ABHD15: variants seen among roughly 807,000 people sequenced by gnomAD.
The protein encoded by ABHD15 is protein ABHD15.
In ABHD15, 34 loss-of-function variants were observed where a neutral mutation model predicts 34.4. The observed-to-expected ratio is 0.99, with a 90% CI of 0.75 to 1.32. The LOEUF (loss-of-function observed/expected upper bound fraction) is 1.32, where lower values mean the gene tolerates loss of function less well. Ranked by LOEUF, ABHD15 falls within the 40% of genes most tolerant of loss-of-function variation. The pLI is 0.00. For missense variants in ABHD15, 644 were observed against 650.4 expected (o/e 0.99, Z 0.11); for synonymous variants, 314 against 299.2 (o/e 1.05, Z -0.51).
In ABHD15 at chr17:29,562,968, T is replaced by C. The variant is rs542939; in HGVS notation, c.1000A>G (p.Thr334Ala). Residue 334 changes from threonine (T) to alanine (A), a missense_variant, in exon 2 of 2, where the codon ACC (threonine) becomes GCC (alanine). Thr to Ala is a moderately conservative substitution (Grantham distance 58). Transcript: ENST00000307201. ...AGCGGGTCGTTGCGGTCCCAGTAGG[T>C]ATCCCAGCTGATGGGGAAGCTTTTG... is the stretch of plus-strand genomic sequence containing the variant. ...HTKSFPISWD[T>A]YWDRNDPLRD... The C allele has an allele frequency of 0.67, 1,087,016 of 1,613,680 alleles. 368,918 individuals are homozygous for C. The highest frequency in any genetic ancestry group is 0.92 in the East Asian group (41,214 of 44,874).
chr17:29,565,170 A>G (rs1312105674), intron 1 of ABHD15, among the ~76,000 whole-genome samples: 1 of 152,064 alleles, frequency 6.6e-6, no homozygotes, highest in Non-Finnish European at 1.5e-5. Context: ...AAGGCAGGAG[A>G]ATAGCTTGCA....
At position 29,566,531 on chromosome 17, in the gene ABHD15, G is replaced by A. The variant is rs902599456; in HGVS notation, c.436C>T (p.Arg146Trp). ...ALDWVVGPCV[R>W]GRRITSAGGL... ...CCGGCGCTGGTGATCCGGCGGCCCC[G>A]AACACAAGGTCCTACCACCCAGTCC... Residue 146 changes from arginine (R) to tryptophan (W), a missense_variant, in exon 1 of 2, where the codon CGG becomes TGG. Arg to Trp is a moderately radical substitution (Grantham distance 101, BLOSUM62 -3). Coordinates refer to ENST00000307201, the MANE Select transcript of ABHD15 (RefSeq NM_198147.3). The A allele has an allele frequency of 3.1e-6, 5 of 1,610,684 alleles. No individual in the cohort carries two copies. Among genetic ancestry groups the A allele is most frequent in the African/African-American group, 2.7e-5 (2 of 75,014 alleles).
chr17:29,560,652 TTTC>T lies in ABHD15; in HGVS notation c.*1906_*1908del, dbSNP rs889638932. 3 of 152,120 alleles carry T rather than the reference TTTC, an allele frequency of 2.0e-5. No homozygotes were observed. Among genetic ancestry groups the T allele is most frequent in the African/African-American group, 7.2e-5 (3 of 41,492 alleles). 9.4% of individuals were successfully genotyped at this position (152,120 alleles called of 1,614,324 possible). A position where few individuals can be genotyped will look rare whatever the true frequency, so the allele number is the denominator to read the frequency against. On this transcript the variant is annotated 3_prime_UTR_variant, in exon 2 of 2. Coordinates refer to ENST00000307201, the MANE Select transcript of ABHD15 (RefSeq NM_198147.3). ...AGAAGTGGGGAGAAGGGAGATAATT[TTTC>T]TTTTCTTTTTTTTTTTTGAAACACA...
At chr17:29,565,834 A>ACTC (rs1231808703) in intron 1 of ABHD15, among the ~76,000 whole-genome samples, 1 of 152,218 alleles carries the variant, frequency 6.6e-6, no homozygotes, top group Non-Finnish European at 1.5e-5. Flanking sequence ...GGGTGCCGAG[A>ACTC]TGAGGCAAGG....
chr17:29,566,748 A>T lies in ABHD15; in HGVS notation c.219T>A (p.Val73=). ...ACTGGGCCAGGGCCGACGGCTTGCA[A>T]ACAAGGCTGCACCCTCCCGGCAGTG... The part of the protein sequence containing the change: ...REPLPGGCSL[V]CKPSALAQCL... Residue 73 remains valine, a synonymous_variant, in exon 1 of 2, where the codon GTT becomes GTA. Coordinates refer to ENST00000307201, the MANE Select transcript of ABHD15 (RefSeq NM_198147.3). The T allele has an allele frequency of 6.4e-7, 1 of 1,551,574 alleles. No individual in the cohort carries two copies. Among genetic ancestry groups the T allele is most frequent in the Non-Finnish European group, 8.7e-7 (1 of 1,155,800 alleles).
chr17:29,563,824 C>T (rs942030557), intron 1 of ABHD15, among the ~76,000 whole-genome samples: 2 of 152,056 alleles, frequency 1.3e-5, no homozygotes, highest in African/African-American at 2.4e-5. Context: ...CGTGCCACTG[C>T]GTTCCAGCCT....
rs755950188 is a variant in ABHD15 at position 29,566,076 on chromosome 17, C to T, written c.881+10G>A. The T allele has an allele frequency of 1.3e-6, 2 of 1,521,502 alleles. No individual in the cohort carries two copies. The highest frequency in any genetic ancestry group is 1.8e-6 in the Non-Finnish European group (2 of 1,135,744). The allele number at this position is 1,521,502 out of a possible 1,614,324, so 94.3% of individuals were successfully genotyped here. A position where few individuals can be genotyped will look rare whatever the true frequency, so the allele number is the denominator to read the frequency against. On this transcript the variant is annotated intron_variant, in intron 1 of 1. Transcript: ENST00000307201. ...TCTTTCCATGCTGGTCTGCGGCCTC[C>T]GTTACCCACCTGCTGAGGGCGATCT...
chr17:29,562,787 A>G lies in ABHD15; in HGVS notation c.1181T>C (p.Phe394Ser). 1 of 1,613,526 alleles carries G rather than the reference A, an allele frequency of 6.2e-7. No homozygotes were observed. Among genetic ancestry groups the G allele is most frequent in the South Asian group, 1.1e-5 (1 of 91,072 alleles). Reference sequence around the variant, plus strand: ...GGCTGGCAAGGGCTCCTGGCGCAGGAAGCCACAGTGGCCTCCGTGGCGACT... The same window carrying G: ...GGCTGGCAAGGGCTCCTGGCGCAGGGAGCCACAGTGGCCTCCGTGGCGACT... ...LLSRHGGHCG[F>S]LRQEPLPAWS... is the part of the protein sequence containing the mutation. Residue 394 changes from phenylalanine to serine, a missense_variant, in exon 2 of 2, where the codon TTC becomes TCC. Coordinates refer to ENST00000307201, the MANE Select transcript of ABHD15 (RefSeq NM_198147.3).
chr17:29,566,912 C>G lies in ABHD15; in HGVS notation c.55G>C (p.Gly19Arg). The G allele has an allele frequency of 1.3e-6, 2 of 1,487,462 alleles. No individual in the cohort carries two copies. Among genetic ancestry groups the G allele is most frequent in the Middle Eastern group, 2.3e-4 (1 of 4,258 alleles). The allele number at this position is 1,487,462 out of a possible 1,614,324, so 92.1% of individuals were successfully genotyped here. The part of the protein sequence containing the change: ...ALILAVLALL[G>R]LLGPRLRGPW... ...CCCCGGAGCCGCGGGCCGAGCAGGC[C>G]GAGAAGGGCGAGCACGGCCAAGATG... The change falls in exon 1 of 2, where the codon GGC becomes CGC. Residue 19 changes from glycine (G) to arginine (R), a missense_variant. Coordinates refer to ENST00000307201, the MANE Select transcript of ABHD15 (RefSeq NM_198147.3).
Position 29,562,644 on chromosome 17 carries a change from C to G in ABHD15, c.1324G>C (p.Gly442Arg), listed in dbSNP as rs747262799. ...ACTTCCCGCCTCTGCAAGGCTCCCC[C>G]ACGACGACGGCCCCCAAGGAAGGAA... ...RASFLGGRRR[G>R]GALQRREVSS... Residue 442 changes from glycine to arginine, a missense_variant, in exon 2 of 2, where the codon GGG becomes CGG. By Grantham distance (125) the Gly-to-Arg change is moderately radical (BLOSUM62 -2). Transcript: ENST00000307201. The G allele has an allele frequency of 9.3e-6, 15 of 1,613,980 alleles. No homozygotes were observed. Among genetic ancestry groups the G allele is most frequent in the South Asian group, 7.7e-5 (7 of 91,078 alleles).
rs922405596 is a variant in ABHD15, at chr17:29,565,336, A to AT, written c.881+749dup. ...GTGTGTGTGTATATATATATATAACATTTTTTTTTGAGACAGGGTGTTGCT... is the reference window on the plus strand; with the variant it reads ...GTGTGTGTGTATATATATATATAACATTTTTTTTTTGAGACAGGGTGTTGCT... On this transcript the variant is annotated intron_variant, in intron 1 of 1. Transcript: ENST00000307201. Among the ~76,000 whole-genome samples the AT allele has an allele frequency of 1.1e-4, 17 of 151,002 alleles. No individual in the cohort carries two copies. In the East Asian group the frequency reaches 1.4e-3, roughly 12 times the overall value.
In ABHD15 at chr17:29,566,202, G is replaced by A. The variant is rs1386480496; in HGVS notation, c.765C>T (p.Tyr255=). The change falls in exon 1 of 2, where the codon TAC becomes TAT. Residue 255 remains tyrosine (Y), a synonymous_variant. Transcript: ENST00000307201. ...GCGAGATGCAGGCGGCGCCTGTCAC[G>A]TAGCTGGAGGAGCCGCACTCGCCCA... ...SYLGECGSSS[Y]VTGAACISPV... 45 of 1,609,882 alleles carry A rather than the reference G, an allele frequency of 2.8e-5. No individual in the cohort carries two copies. The highest frequency in any genetic ancestry group is 3.6e-5 in the Non-Finnish European group (43 of 1,178,204).
rs2032626030 is a variant in ABHD15 at position 29,561,374 on chromosome 17, A to G, written c.*1187T>C. 6.6e-6 allele frequency: 1 copy of G among 152,258 alleles called. No homozygotes were observed. Among genetic ancestry groups the G allele is most frequent in the Non-Finnish European group, 1.5e-5 (1 of 68,048 alleles). 9.4% of individuals were successfully genotyped at this position (152,258 alleles called of 1,614,324 possible). ...CTGTATACTATATATTATCTCTGAT[A>G]TACTATATCTCTAGTCCTCAGCATT... On this transcript the variant is annotated 3_prime_UTR_variant, in exon 2 of 2. Transcript: ENST00000307201.
At chr17:29,563,385 A>T (rs979617056) in intron 1 of ABHD15, among the ~76,000 whole-genome samples, 2 of 75,474 alleles carry the variant, frequency 2.6e-5, no homozygotes, top group Non-Finnish European at 5.1e-5. Flanking sequence ...ACCCATCTCT[A>T]AAAAAAAAAA....
chr17:29,566,969 C>G lies in ABHD15; in HGVS notation c.-3G>C. The G allele has an allele frequency of 7.3e-7, 1 of 1,365,856 alleles. No homozygotes were observed. Among genetic ancestry groups the G allele is most frequent in the East Asian group, 3.1e-5 (1 of 32,294 alleles). 84.6% of individuals were successfully genotyped at this position (1,365,856 alleles called of 1,614,324 possible). A position where few individuals can be genotyped will look rare whatever the true frequency, so the allele number is the denominator to read the frequency against. On this transcript the variant is annotated 5_prime_UTR_variant, in exon 1 of 2. Transcript: ENST00000307201. ...AGGGCGGCGCCCCACGGCGGCATGG[C>G]GAAGCTGGAGAGCCCCGGCGGGCAG...
In ABHD15 at chr17:29,566,295, G is replaced by A. The variant is rs376693483; in HGVS notation, c.672C>T (p.Phe224=). 5.2e-5 allele frequency: 83 copies of A among 1,611,440 alleles called. No homozygotes were observed. Among genetic ancestry groups the A allele is most frequent in the Non-Finnish European group, 1.1e-5 (13 of 1,179,286 alleles). ...CGAACAGCGGCGCCGCCGGGTGTCG[G>A]AAGCGGATGTATGTGACCGCCTCCT... The part of the protein sequence containing the change: ...DLKEAVTYIR[F]RHPAAPLFAV... Residue 224 remains phenylalanine, a synonymous_variant, in exon 1 of 2, where the codon TTC becomes TTT. Coordinates refer to ENST00000307201, the MANE Select transcript of ABHD15 (RefSeq NM_198147.3).
At position 29,562,982 on chromosome 17, in the gene ABHD15, G is replaced by C; in HGVS notation, c.986C>G (p.Pro329Arg). The change falls in exon 2 of 2, where the codon CCC (proline) becomes CGC (arginine). Residue 329 changes from proline (P) to arginine (R), a missense_variant. Pro to Arg is a moderately radical substitution (Grantham distance 103). Transcript: ENST00000307201. ...EALFCHTKSF[P>R]ISWDTYWDRN... is the part of the protein sequence containing the mutation. The stretch of plus-strand genomic sequence containing the variant: ...GTCCCAGTAGGTATCCCAGCTGATG[G>C]GGAAGCTTTTGGTGTGGCAGAAGAG... 1 of 1,613,914 alleles carries C rather than the reference G, an allele frequency of 6.2e-7. No individual in the cohort carries two copies.
Position 29,562,652 on chromosome 17 carries a change from C to A in ABHD15, c.1316G>T (p.Arg439Leu). Residue 439 changes from arginine to leucine, a missense_variant, in exon 2 of 2, where the codon CGT becomes CTT. Transcript: ENST00000307201. ...CCTCTGCAAGGCTCCCCCACGACGA[C>A]GGCCCCCAAGGAAGGAAGCTCTGTG... ...SRHRASFLGGRRRGGALQRRE... is the reference protein window; with the variant it reads ...SRHRASFLGGLRRGGALQRRE... 6.2e-7 allele frequency: 1 copy of A among 1,614,156 alleles called. No homozygotes were observed. The highest frequency in any genetic ancestry group is 8.5e-7 in the Non-Finnish European group (1 of 1,180,044).
Position 29,562,998 on chromosome 17 carries a change from G to A in ABHD15, c.970C>T (p.His324Tyr), listed in dbSNP as rs1567756742. 1 of 1,613,654 alleles carries A rather than the reference G, an allele frequency of 6.2e-7. No homozygotes were observed. Among genetic ancestry groups the A allele is most frequent in the Non-Finnish European group, 8.5e-7 (1 of 1,180,026 alleles). ...CAGCTGATGGGGAAGCTTTTGGTGT[G>A]GCAGAAGAGAGCCTCCTCAAACTCT... ...LREFEEALFC[H>Y]TKSFPISWDT... The change falls in exon 2 of 2, where the codon CAC becomes TAC. Residue 324 changes from histidine (H) to tyrosine (Y), a missense_variant. Transcript: ENST00000307201.
Sources: gnomAD v4.1 joint callset for allele counts (sites outside exome capture counted in the v4.1 genomes callset) on GRCh38, gnomAD v4.1.1 for gene constraint, MANE v1.5 for transcripts, NCBI Gene and HGNC (gene_info 2026-07-23, HGNC 2026-07-21) for gene names.